Variants in SOX5 observed in about 807,000 individuals in gnomAD.
SOX5 encodes transcription factor SOX-5.
Under a neutral mutation model 92.0 loss-of-function variants are expected in SOX5, and 9 were observed. That is an observed-to-expected ratio of 0.10 (90% CI 0.06 to 0.17). SOX5 has a LOEUF of 0.17. SOX5 is among the 10% of genes least tolerant of loss of function. SOX5 has a pLI of 1.00. For synonymous variants in SOX5, 344 were observed against 336.3 expected (o/e 1.02, Z -0.25); for missense variants, 642 against 944.5 (o/e 0.68, Z 4.20).
At chr12:23,653,376 G>A (rs2081932640) in intron 7 of SOX5, among the ~76,000 whole-genome samples, 1 of 151,420 alleles carries the variant, frequency 6.6e-6, no homozygotes, top group African/African-American at 2.4e-5. Context: ...TATCCTTTAG[G>A]TTGACTTGAG....
At chr12:24,320,524 A>T (rs1950106672) in intron 2 of SOX5, among the ~76,000 whole-genome samples, 1 of 152,070 alleles carries the variant, frequency 6.6e-6, no homozygotes, top group East Asian at 1.9e-4. Context: ...AGCAGATTTA[A>T]TTTTTCTTTA....
At chr12:23,673,391 T>A (rs1173613889) in intron 6 of SOX5, among the ~76,000 whole-genome samples, 2 of 152,168 alleles carry the variant, frequency 1.3e-5, no homozygotes, top group Admixed American at 6.6e-5. Flanking sequence ...TACAGCATGG[T>A]CATTTGAATG....
At chr12:24,513,269 T>C (rs1949488311) in intron 1 of SOX5, among the ~76,000 whole-genome samples, 1 of 152,250 alleles carries the variant, frequency 6.6e-6, no homozygotes. Context: ...CAACTTACAA[T>C]ATTTTGCATT....
intron 2 of SOX5, among the ~76,000 whole-genome samples, chr12:24,327,447 C>CTTTTTTTTTTTT (rs1950838595): frequency 1.1e-5 from 1 of 89,520 alleles, no homozygotes; most frequent in Non-Finnish European, 2.1e-5. Flanking sequence ...TGGAGTTTTG[C>CTTTTTTTTTTTT]TCTTGTTGTC....
intron 6 of SOX5, among the ~76,000 whole-genome samples, chr12:23,712,019 C>T (rs943030946): frequency 3.3e-5 from 5 of 152,136 alleles, no homozygotes; most frequent in African/African-American, 4.8e-5. Flanking sequence ...GTAAATTGCT[C>T]AGGTCATACA....
At chr12:23,583,749 T>C (rs943737031) in intron 9 of SOX5, among the ~76,000 whole-genome samples, 3 of 152,136 alleles carry the variant, frequency 2.0e-5, no homozygotes, top group African/African-American at 7.2e-5. Context: ...AAAAATGCTT[T>C]AGAGAAATTA....
chr12:23,625,922 T>C (rs2077724734), intron 8 of SOX5, among the ~76,000 whole-genome samples: 1 of 152,140 alleles, frequency 6.6e-6, no homozygotes, highest in African/African-American at 2.4e-5. Context: ...CAAATGTTTC[T>C]AAAGAAGACA....
chr12:23,876,435 T>A (rs976695844), intron 2 of SOX5, among the ~76,000 whole-genome samples: 1 of 152,184 alleles, frequency 6.6e-6, no homozygotes, highest in Non-Finnish European at 1.5e-5. Flanking sequence ...AGATACCACC[T>A]CATGCCAGTT....
At chr12:24,361,799 C>T (rs1473543134) in intron 2 of SOX5, among the ~76,000 whole-genome samples, 1 of 152,210 alleles carries the variant, frequency 6.6e-6, no homozygotes, top group African/African-American at 2.4e-5. Context: ...ACTAGAATCT[C>T]CCCATAGTCT....
At chr12:23,904,308 C>T (rs1019476982) in intron 1 of SOX5, among the ~76,000 whole-genome samples, 3 of 150,658 alleles carry the variant, frequency 2.0e-5, no homozygotes, top group Non-Finnish European at 4.4e-5. Context: ...CTCCATACTT[C>T]TCTACCCATT....
At chr12:23,847,594 A>G (rs2096588945) in intron 2 of SOX5, among the ~76,000 whole-genome samples, 1 of 152,066 alleles carries the variant, frequency 6.6e-6, no homozygotes, top group African/African-American at 2.4e-5. Context: ...TGTTGTTAAG[A>G]TATTAGTGAG....
chr12:24,263,871 G>T (rs975495609), intron 3 of SOX5, among the ~76,000 whole-genome samples: 1 of 152,052 alleles, frequency 6.6e-6, no homozygotes, highest in Non-Finnish European at 1.5e-5. Context: ...CTGCACACTT[G>T]TACTTTCTAG....
intron 5 of SOX5, among the ~76,000 whole-genome samples, chr12:23,736,043 A>G (rs1280461861): frequency 6.6e-6 from 1 of 152,156 alleles, no homozygotes; most frequent in African/African-American, 2.4e-5. Context: ...TGAAAACTGT[A>G]AACATTTCAT....
chr12:23,816,207 C>CTTTTTTTTTT (rs11347313), intron 3 of SOX5, among the ~76,000 whole-genome samples: 2 of 129,654 alleles, frequency 1.5e-5, no homozygotes, highest in Non-Finnish European at 1.6e-5. Flanking sequence ...GACAAGATTT[C>CTTTTTTTTTT]TTTTTTTTTT....
chr12:23,989,574 C>T (rs1212448084), intron 4 of SOX5, among the ~76,000 whole-genome samples: 3 of 152,222 alleles, frequency 2.0e-5, no homozygotes, highest in Admixed American at 6.6e-5. Flanking sequence ...GGTTGAAACC[C>T]TCCAATGTGA....
At chr12:23,848,018 C>T (rs923661951) in intron 2 of SOX5, among the ~76,000 whole-genome samples, 2 of 152,274 alleles carry the variant, frequency 1.3e-5, no homozygotes. Context: ...CCATAACACA[C>T]ATTAGCTTAG....
chr12:23,976,541 G>T (rs1371114589), intron 4 of SOX5, among the ~76,000 whole-genome samples: 1 of 151,744 alleles, frequency 6.6e-6, no homozygotes, highest in Non-Finnish European at 1.5e-5. Flanking sequence ...AAAACTAAAT[G>T]AATATAACAT....
At chr12:24,148,262 C>T (rs996516032) in intron 4 of SOX5, among the ~76,000 whole-genome samples, 2 of 151,754 alleles carry the variant, frequency 1.3e-5, no homozygotes, top group African/African-American at 2.4e-5. Flanking sequence ...TTTGGGAGGT[C>T]GAGGTGGGCA....
At chr12:23,793,151 A>T (rs1325064193) in intron 3 of SOX5, among the ~76,000 whole-genome samples, 3 of 152,218 alleles carry the variant, frequency 2.0e-5, no homozygotes, top group Non-Finnish European at 4.4e-5. Context: ...CTCATATGAA[A>T]ATAAGTAGAT....
Sources: gnomAD v4.1 joint callset for allele counts (sites outside exome capture counted in the v4.1 genomes callset) on GRCh38, gnomAD v4.1.1 for gene constraint, MANE v1.5 for transcripts, NCBI Gene and HGNC (gene_info 2026-07-23, HGNC 2026-07-21) for gene names.